CNTN5: variants seen among roughly 807,000 people sequenced by gnomAD.
CNTN5 encodes contactin-5.
A neutral mutation model predicts 129.1 loss-of-function variants in CNTN5; 77 were observed. The ratio of observed to expected loss-of-function variants is 0.60; its 90% CI spans 0.50 to 0.72. The LOEUF (loss-of-function observed/expected upper bound fraction) is 0.72. Among genes scored for constraint, CNTN5 ranks in the 30% least tolerant of loss-of-function variants. The pLI is 0.00. For missense variants in CNTN5, 1,478 were observed against 1,328.8 expected, an observed-to-expected ratio of 1.11 and a Z score of -1.75; for synonymous variants, 509 against 465.6, an observed-to-expected ratio of 1.09 and a Z score of -1.20.
chr11:99,446,244 C>T (rs1232043789), intron 2 of CNTN5, among the ~76,000 whole-genome samples: 3 of 152,184 alleles, frequency 2.0e-5, no homozygotes, highest in East Asian at 1.9e-4. Context: ...TGGATTTTAG[C>T]TGTGGACATT....
At chr11:99,889,951 T>G (rs1345496834) in intron 6 of CNTN5, among the ~76,000 whole-genome samples, 5 of 152,208 alleles carry the variant, frequency 3.3e-5, no homozygotes, top group Non-Finnish European at 5.9e-5. Context: ...CTGATTTATT[T>G]TATCTTCACC....
At chr11:100,150,053 A>G (rs528998871) in intron 13 of CNTN5, among the ~76,000 whole-genome samples, 1 of 152,316 alleles carries the variant, frequency 6.6e-6, no homozygotes, top group East Asian at 1.9e-4. Context: ...GAGAGAAAAC[A>G]GTATTATGAA....
intron 2 of CNTN5, among the ~76,000 whole-genome samples, chr11:99,399,595 T>A (rs190182375): frequency 3.5e-3 from 179 of 51,284 alleles, no homozygotes; most frequent in African/African-American, 0.013. Flanking sequence ...CAATGGTATA[T>A]AAGGCAAAGG....
intron 7 of CNTN5, among the ~76,000 whole-genome samples, chr11:99,941,586 A>ACACACACACACACACAC (rs1555163260): frequency 1.3e-5 from 2 of 151,896 alleles, no homozygotes; most frequent in Admixed American, 6.6e-5. Flanking sequence ...ACACACACAC[A>ACACACACACACACACAC]AAGAGAAAGA....
At chr11:100,303,501 T>A (rs1471020609) in intron 20 of CNTN5, among the ~76,000 whole-genome samples, 2 of 151,568 alleles carry the variant, frequency 1.3e-5, no homozygotes, top group South Asian at 4.1e-4. Context: ...TTAAACCTAA[T>A]AGAAAAACAG....
intron 3 of CNTN5, among the ~76,000 whole-genome samples, chr11:99,760,069 G>A (rs534943109): frequency 6.6e-6 from 1 of 152,246 alleles, no homozygotes; most frequent in South Asian, 2.1e-4. Context: ...AGAATATGTA[G>A]TAGTGAGATG....
At chr11:100,148,124 TATACTC>T (rs1946916393) in intron 13 of CNTN5, among the ~76,000 whole-genome samples, 1 of 152,202 alleles carries the variant, frequency 6.6e-6, no homozygotes, top group Admixed American at 6.5e-5. Flanking sequence ...ACCTTATCCA[TATACTC>T]ATAATTTTTA....
chr11:99,672,709 G>A (rs974706657), intron 3 of CNTN5, among the ~76,000 whole-genome samples: 2 of 150,600 alleles, frequency 1.3e-5, no homozygotes, highest in South Asian at 2.1e-4. Flanking sequence ...ACTGGGAAGT[G>A]TTATCAAGCC....
chr11:99,032,233 G>A (rs2135095424), intron 1 of CNTN5, among the ~76,000 whole-genome samples: 1 of 152,132 alleles, frequency 6.6e-6, no homozygotes, highest in East Asian at 1.9e-4. Flanking sequence ...GCATACGTGT[G>A]CATGTGTCTT....
intron 2 of CNTN5, among the ~76,000 whole-genome samples, chr11:99,385,112 G>A (rs1359288736): frequency 6.6e-6 from 1 of 152,078 alleles, no homozygotes; most frequent in Non-Finnish European, 1.5e-5. Context: ...TAAGAGTCTT[G>A]AAAAATGTCT....
Position 99,823,575 on chromosome 11 carries a change from G to A in CNTN5, c.277+3810G>A, listed in dbSNP as rs879703801. 3.4e-4 allele frequency among the ~76,000 whole-genome samples: 52 copies of A among 151,964 alleles called. 2 individuals are homozygous for A. Among genetic ancestry groups the A allele is most frequent in the Middle Eastern group, 6.8e-3 (2 of 294 alleles). On this transcript the variant is annotated intron_variant, in intron 4 of 24. Coordinates refer to ENST00000524871, the MANE Select transcript of CNTN5 (RefSeq NM_014361.4). ...AATTCCAATTGTCCTACTATTTTAA[G>A]TGCTCATAGTTTATATTAAATGTAT...
intron 9 of CNTN5, among the ~76,000 whole-genome samples, chr11:100,032,478 T>C (rs1013458280): frequency 2.6e-5 from 4 of 152,018 alleles, no homozygotes; most frequent in Admixed American, 2.6e-4. Flanking sequence ...TTCTTACATA[T>C]ATTTGTGAAT....
intron 7 of CNTN5, among the ~76,000 whole-genome samples, chr11:99,919,316 T>C (rs1949875910): frequency 6.6e-6 from 1 of 151,870 alleles, no homozygotes; most frequent in Admixed American, 6.6e-5. Context: ...CAGTACCCCT[T>C]CTTCTGCATT....
At chr11:99,449,661 A>G (rs1300985623) in intron 2 of CNTN5, among the ~76,000 whole-genome samples, 1 of 152,106 alleles carries the variant, frequency 6.6e-6, no homozygotes, top group Non-Finnish European at 1.5e-5. Context: ...TAGCCTTTAG[A>G]TGGAGGGTCA....
intron 2 of CNTN5, among the ~76,000 whole-genome samples, chr11:99,335,049 C>G (rs1241613571): frequency 2.0e-5 from 3 of 152,086 alleles, no homozygotes; most frequent in Non-Finnish European, 4.4e-5. Flanking sequence ...TCACTGGCAC[C>G]AGAGCTGTTT....
chr11:100,011,834 G>T, intron 9 of CNTN5, among the ~76,000 whole-genome samples: 1 of 152,050 alleles, frequency 6.6e-6, no homozygotes, highest in East Asian at 1.9e-4. Context: ...CCTTAGCTAA[G>T]CTGTCTCAAA....
intron 3 of CNTN5, among the ~76,000 whole-genome samples, chr11:99,778,246 G>A (rs1001586844): frequency 2.0e-5 from 3 of 151,614 alleles, no homozygotes; most frequent in African/African-American, 7.3e-5. Context: ...ACACAACTCA[G>A]GTTTTCAGAC....
At chr11:100,094,066 A>G (rs998857137) in intron 13 of CNTN5, among the ~76,000 whole-genome samples, 11 of 152,142 alleles carry the variant, frequency 7.2e-5, no homozygotes, top group African/African-American at 2.7e-4. Context: ...GGTTAATTAC[A>G]TTGTTACATC....
At chr11:100,346,772 C>T (rs942369773) in intron 23 of CNTN5, among the ~76,000 whole-genome samples, 6 of 152,020 alleles carry the variant, frequency 3.9e-5, no homozygotes, top group African/African-American at 1.2e-4. Context: ...CCATCAATAC[C>T]GTAATAGTCC....
Sources: gnomAD v4.1 joint callset for allele counts (sites outside exome capture counted in the v4.1 genomes callset) on GRCh38, gnomAD v4.1.1 for gene constraint, MANE v1.5 for transcripts, NCBI Gene and HGNC (gene_info 2026-07-23, HGNC 2026-07-21) for gene names.